FAF2: variants seen among roughly 807,000 people sequenced by gnomAD.
FAF2 encodes the protein FAS-associated factor 2.
Under a neutral mutation model 62.3 loss-of-function variants are expected in FAF2, and 9 were observed. The observed-to-expected ratio is 0.14, with a 90% CI of 0.09 to 0.25. FAF2 has a LOEUF of 0.25. FAF2 is among the 10% of genes least tolerant of loss of function. The probability of loss-of-function intolerance (pLI) is 1.00; values close to 1 mark genes in which losing one functional copy is unlikely to be tolerated. For missense variants in FAF2, 368 were observed against 556.2 expected, an observed-to-expected ratio of 0.66 and a Z score of 3.40; for synonymous variants, 202 against 198.0, an observed-to-expected ratio of 1.02 and a Z score of -0.17.
Position 176,489,640 on chromosome 5 carries a change from C to T in FAF2, c.344+613C>T, listed in dbSNP as rs146107061. On this transcript the variant is annotated intron_variant, in intron 4 of 10. Coordinates refer to ENST00000261942, the MANE Select transcript of FAF2 (RefSeq NM_014613.3). ...GCAACCTTCACCTCCTGGGTTCAAG[C>T]GATTCTCATACCTCAGCCTCCCAGA... is the stretch of plus-strand genomic sequence containing the variant. 6.3e-3 allele frequency among the ~76,000 whole-genome samples: 953 copies of T among 152,224 alleles called. 12 individuals carry two copies. Among genetic ancestry groups the T allele is most frequent in the African/African-American group, 0.022 (915 of 41,530 alleles).
intron 2 of FAF2, among the ~76,000 whole-genome samples, chr5:176,482,768 G>A (rs933381612): frequency 6.6e-6 from 1 of 152,158 alleles, no homozygotes; most frequent in Non-Finnish European, 1.5e-5. Flanking sequence ...CTCCCAGCTT[G>A]TCTTCCCAAA....
intron 10 of FAF2, among the ~76,000 whole-genome samples, chr5:176,503,960 G>C (rs1156676398): frequency 6.6e-6 from 1 of 151,856 alleles, no homozygotes; most frequent in Non-Finnish European, 1.5e-5. Context: ...CCAGGAGTTC[G>C]AGACCAGCCT....
intron 1 of FAF2, among the ~76,000 whole-genome samples, chr5:176,451,823 TATATACATATATATATATAC>T (rs1758179852): frequency 1.8e-5 from 1 of 56,870 alleles, no homozygotes. Context: ...CACATATATA[TATATACATATATATATATAC>T]ACACATATAT....
rs1029865010 is a variant in FAF2 at position 176,487,997 on chromosome 5, C to T, written c.268-954C>T. Reference sequence around the variant, plus strand: ...AGCTGGGATTACAGGCGCCCACCACCGCGTCTGGCTAATTTTTGTATTTTT... The same window carrying T: ...AGCTGGGATTACAGGCGCCCACCACTGCGTCTGGCTAATTTTTGTATTTTT... On this transcript the variant is annotated intron_variant, in intron 3 of 10. Coordinates refer to ENST00000261942, the MANE Select transcript of FAF2 (RefSeq NM_014613.3). 3.9e-5 allele frequency among the ~76,000 whole-genome samples: 6 copies of T among 152,184 alleles called. No homozygotes were observed. The South Asian group carries it at 6.2e-4, about 16-fold the overall frequency.
chr5:176,474,628 A>G (rs1470093164), intron 1 of FAF2, among the ~76,000 whole-genome samples: 3 of 152,132 alleles, frequency 2.0e-5, no homozygotes, highest in Non-Finnish European at 2.9e-5. Context: ...CAGTTTTTGC[A>G]TATGTTGGCC....
At chr5:176,455,251 C>T (rs1361976787) in intron 1 of FAF2, among the ~76,000 whole-genome samples, 1 of 152,186 alleles carries the variant, frequency 6.6e-6, no homozygotes, top group Admixed American at 6.5e-5. Flanking sequence ...GCCTGGGCAA[C>T]ATGGTGAAAC....
chr5:176,458,813 C>G (rs1444011589), intron 1 of FAF2, among the ~76,000 whole-genome samples: 1 of 151,872 alleles, frequency 6.6e-6, no homozygotes, highest in Non-Finnish European at 1.5e-5. Flanking sequence ...ACATTTTTAC[C>G]CTTTCTATTT....
intron 1 of FAF2, among the ~76,000 whole-genome samples, chr5:176,476,851 C>T (rs1758703081): frequency 6.8e-6 from 1 of 146,404 alleles, no homozygotes; most frequent in African/African-American, 2.5e-5. Context: ...CCTCTGTCAC[C>T]CAGGCTGGAG....
intron 8 of FAF2, chr5:176,497,025 A>G: frequency 6.5e-6 from 1 of 154,938 alleles, no homozygotes; most frequent in South Asian, 2.0e-4. Context: ...ACATGCCTGT[A>G]GTCCCAGGTC....
chr5:176,463,980 T>C (rs147337923), intron 1 of FAF2, among the ~76,000 whole-genome samples: 1 of 152,312 alleles, frequency 6.6e-6, no homozygotes, highest in East Asian at 1.9e-4. Flanking sequence ...TCTGCCTGCC[T>C]CAGCCTCCCA....
At chr5:176,474,812 G>C (rs1581063651) in intron 1 of FAF2, among the ~76,000 whole-genome samples, 1 of 152,150 alleles carries the variant, frequency 6.6e-6, no homozygotes, top group Non-Finnish European at 1.5e-5. Context: ...AGTATGTGTG[G>C]TTTGTTTTGA....
chr5:176,451,831 T>TATATATACAC (rs1561813464), intron 1 of FAF2, among the ~76,000 whole-genome samples: 1 of 25,990 alleles, frequency 3.8e-5, no homozygotes, highest in African/African-American at 1.6e-4. Context: ...TATATATACA[T>TATATATACAC]ATATATATAT....
Position 176,507,621 on chromosome 5 carries a change from G to T in FAF2, c.*671G>T, listed in dbSNP as rs192331385. ...CACAATAGTGTAATAAAAGTGCCCC[G>T]GGCTGGTTTGTGCTTATTTCTGCCA... On this transcript the variant is annotated 3_prime_UTR_variant, in exon 11 of 11. Coordinates refer to ENST00000261942, the MANE Select transcript of FAF2 (RefSeq NM_014613.3). 1 of 153,394 alleles carries T rather than the reference G, an allele frequency of 6.5e-6. No individual in the cohort carries two copies. The highest frequency in any genetic ancestry group is 1.5e-5 in the Non-Finnish European group (1 of 68,620). The allele number at this position is 153,394 out of a possible 1,614,324, so 9.5% of individuals were successfully genotyped here. A position where few individuals can be genotyped will look rare whatever the true frequency, so the allele number is the denominator to read the frequency against.
At chr5:176,501,897 G>T (rs1165203957) in intron 10 of FAF2, among the ~76,000 whole-genome samples, 2 of 152,112 alleles carry the variant, frequency 1.3e-5, no homozygotes, top group Non-Finnish European at 2.9e-5. Flanking sequence ...GAGATTACAG[G>T]AAGCCGCCAC....
intron 1 of FAF2, among the ~76,000 whole-genome samples, chr5:176,476,350 A>C (rs1270315509): frequency 6.6e-6 from 1 of 152,222 alleles, no homozygotes; most frequent in Non-Finnish European, 1.5e-5. Context: ...GCTTATAGCT[A>C]TGATGACTGA....
intron 2 of FAF2, 29 bp from the exon 3 acceptor site, chr5:176,486,326 A>G (rs775877864): frequency 6.2e-7 from 1 of 1,609,478 alleles, no homozygotes; most frequent in Admixed American, 1.7e-5. Flanking sequence ...GCATCGCTGA[A>G]ACTCTTGCCA....
At chr5:176,452,365 A>C (rs1255705452) in intron 1 of FAF2, among the ~76,000 whole-genome samples, 1 of 152,136 alleles carries the variant, frequency 6.6e-6, no homozygotes, top group East Asian at 1.9e-4. Flanking sequence ...GCCAGCAGGT[A>C]ACATTTATTA....
chr5:176,500,187 G>C (rs1200208412), intron 10 of FAF2, 41 bp downstream of exon 10: 4 of 1,598,862 alleles, frequency 2.5e-6, no homozygotes, highest in African/African-American at 1.3e-5. Flanking sequence ...TGTAGCATCT[G>C]GGCTATAGAT....
chr5:176,477,054 C>A (rs1364892404), intron 1 of FAF2, among the ~76,000 whole-genome samples: 2 of 150,864 alleles, frequency 1.3e-5, no homozygotes, highest in Non-Finnish European at 3.0e-5. Context: ...GTGATCCGCC[C>A]GCCTCGGCCT....
Sources: allele counts gnomAD v4.1 joint callset (sites outside exome capture counted in the v4.1 genomes callset), GRCh38; gene constraint gnomAD v4.1.1; transcripts MANE v1.5; gene names NCBI Gene and HGNC (gene_info 2026-07-23, HGNC 2026-07-21).